The following CCDC13 variants were observed in gnomAD, a reference collection of about 807,000 sequenced individuals.
CCDC13 encodes the protein coiled-coil domain containing 13, also known as coiled-coil domain-containing protein 13.
Under a neutral mutation model 87.3 loss-of-function variants are expected in CCDC13, and 70 were observed. The ratio of observed to expected loss-of-function variants is 0.80; its 90% CI spans 0.66 to 0.98. The LOEUF is 0.98. Ranked by LOEUF, CCDC13 falls within the 50% of genes least tolerant of loss-of-function variation. The probability of loss-of-function intolerance (pLI) is 0.00; values close to 1 mark genes in which losing one functional copy is unlikely to be tolerated. For missense variants in CCDC13, 842 were observed against 892.0 expected (o/e 0.94, Z 0.71); for synonymous variants, 317 against 360.3 (o/e 0.88, Z 1.36).
At chr3:42,725,334 C>T (rs1212785725) in intron 13 of CCDC13, among the ~76,000 whole-genome samples, 1 of 151,886 alleles carries the variant, frequency 6.6e-6, no homozygotes, top group Non-Finnish European at 1.5e-5. Flanking sequence ...CAGATATACT[C>T]CCATAAAAAT....
chr3:42,739,560 T>C (rs1050415724), intron 9 of CCDC13, 74 bp downstream of exon 9: 18 of 1,514,996 alleles, frequency 1.2e-5, no homozygotes, highest in Admixed American at 2.0e-5. Flanking sequence ...GAGGGCTCAC[T>C]CTGGCCATGG....
At chr3:42,737,426 C>T (rs1201342760) in intron 9 of CCDC13, among the ~76,000 whole-genome samples, 1 of 152,190 alleles carries the variant, frequency 6.6e-6, no homozygotes, top group African/African-American at 2.4e-5. Flanking sequence ...TGGGTATATA[C>T]CCAGTAATGG....
chr3:42,731,348 C>T lies in CCDC13; in HGVS notation c.1596-759G>A, dbSNP rs114672342. ...GGGCTGACTTCTCGGTGGTCTTGGG[C>T]AGGTCTCTTCCTCTCTCTTGGCCCC... On this transcript the variant is annotated intron_variant, in intron 12 of 15. Transcript: ENST00000310232. 6.0e-3 allele frequency among the ~76,000 whole-genome samples: 833 copies of T among 137,820 alleles called. 12 individuals are homozygous for T. The highest frequency in any genetic ancestry group is 0.026 in the South Asian group (109 of 4,130). The allele number at this position is 137,820 out of a possible 152,430, so 90.4% of individuals were successfully genotyped here.
At chr3:42,771,283 A>T (rs1035300548) in intron 1 of CCDC13, among the ~76,000 whole-genome samples, 1 of 152,248 alleles carries the variant, frequency 6.6e-6, no homozygotes. Flanking sequence ...AAAAGATACC[A>T]GTGATTGTAA....
At chr3:42,710,229 G>A (rs547997950) in intron 14 of CCDC13, among the ~76,000 whole-genome samples, 4 of 151,248 alleles carry the variant, frequency 2.6e-5, no homozygotes, top group East Asian at 1.9e-4. Flanking sequence ...TGTGCCTCCC[G>A]AGTAGCTGGG....
chr3:42,723,077 G>A (rs768517193), intron 13 of CCDC13, among the ~76,000 whole-genome samples: 20 of 152,082 alleles, frequency 1.3e-4, no homozygotes, highest in Non-Finnish European at 2.1e-4. Flanking sequence ...GATTACAGGC[G>A]TGAGCCACCG....
At chr3:42,720,230 C>T (rs1476514886) in intron 13 of CCDC13, among the ~76,000 whole-genome samples, 1 of 152,046 alleles carries the variant, frequency 6.6e-6, no homozygotes, top group South Asian at 2.1e-4. Flanking sequence ...GGTAAATTCT[C>T]GTCCTAAAGT....
chr3:42,765,255 A>G (rs982656999), intron 1 of CCDC13, among the ~76,000 whole-genome samples: 2 of 152,202 alleles, frequency 1.3e-5, no homozygotes, highest in African/African-American at 4.8e-5. Flanking sequence ...TCTTGGCCCA[A>G]CGGAGCCTCT....
Position 42,708,875 on chromosome 3 carries a change from C to T in CCDC13, c.*105G>A. The T allele has an allele frequency of 2.4e-6, 3 of 1,226,192 alleles. No homozygotes were observed. Among genetic ancestry groups the T allele is most frequent in the Non-Finnish European group, 3.3e-6 (3 of 902,018 alleles). The allele number at this position is 1,226,192 out of a possible 1,614,324, so 76.0% of individuals were successfully genotyped here. A position where few individuals can be genotyped will look rare whatever the true frequency, so the allele number is the denominator to read the frequency against. ...CTTCTGGTAGAAGTGGTTGAGCTGGCTGCCCTGGGCTGGCTTCCCGGAGCA... is the reference window on the plus strand; with the variant it reads ...CTTCTGGTAGAAGTGGTTGAGCTGGTTGCCCTGGGCTGGCTTCCCGGAGCA... On this transcript the variant is annotated 3_prime_UTR_variant, in exon 16 of 16. Transcript: ENST00000310232.
chr3:42,742,987 G>C lies in CCDC13; in HGVS notation c.896C>G (p.Ser299Cys), dbSNP rs765437663. ...QSAGTASDEL[S>C]VYPDPRKLSA... is the part of the protein sequence containing the mutation. ...CAGCTTCCTTGGGTCTGGATAGACAGACAACTCATCACTGGCTGTTCCCGC... is the reference window on the plus strand; with the variant it reads ...CAGCTTCCTTGGGTCTGGATAGACACACAACTCATCACTGGCTGTTCCCGC... The change falls in exon 8 of 16, where the codon TCT becomes TGT. Residue 299 changes from serine (S) to cysteine (C), a missense_variant. Coordinates refer to ENST00000310232, the MANE Select transcript of CCDC13 (RefSeq NM_144719.4). 1 of 1,614,192 alleles carries C rather than the reference G, an allele frequency of 6.2e-7. No homozygotes were observed.
chr3:42,761,440 G>A (rs1168101043), intron 1 of CCDC13, among the ~76,000 whole-genome samples: 3 of 152,096 alleles, frequency 2.0e-5, no homozygotes, highest in African/African-American at 7.2e-5. Flanking sequence ...TTCCTCCATG[G>A]CACTGAGAGT....
intron 13 of CCDC13, among the ~76,000 whole-genome samples, chr3:42,717,319 G>C (rs1480720601): frequency 6.6e-6 from 1 of 151,954 alleles, no homozygotes; most frequent in Non-Finnish European, 1.5e-5. Context: ...CCAACTATTT[G>C]GGAGGCTGAG....
rs761707411 is a variant in CCDC13, at chr3:42,751,960, C to A, written c.579G>T (p.Arg193Ser). 6.2e-7 allele frequency: 1 copy of A among 1,612,008 alleles called. No homozygotes were observed. The highest frequency in any genetic ancestry group is 2.2e-5 in the East Asian group (1 of 44,882). The change falls in exon 5 of 16, where the codon AGG becomes AGT. Residue 193 changes from arginine (R) to serine (S), a missense_variant. Coordinates refer to ENST00000310232, the MANE Select transcript of CCDC13 (RefSeq NM_144719.4). Reference protein sequence around the residue: ...GATDAGAKPPRAQMGDRALLE... With the variant: ...GATDAGAKPPSAQMGDRALLE... ...CCAATGCTCTGTCTCCCATCTGGGCCCTCGGTGGCTTGGCTCCTGCGTCGG... is the reference window on the plus strand; with the variant it reads ...CCAATGCTCTGTCTCCCATCTGGGCACTCGGTGGCTTGGCTCCTGCGTCGG...
chr3:42,719,272 AC>A (rs1457227226), intron 13 of CCDC13: 1 of 152,048 alleles, frequency 6.6e-6, no homozygotes, highest in Non-Finnish European at 1.5e-5. Flanking sequence ...AGATCCCTTC[AC>A]TTACTGACAA....
intron 13 of CCDC13, among the ~76,000 whole-genome samples, chr3:42,714,588 G>A (rs957186734): frequency 6.6e-6 from 1 of 152,158 alleles, no homozygotes; most frequent in South Asian, 2.1e-4. Flanking sequence ...GATACTAAAG[G>A]TTCATTTAGT....
At chr3:42,763,795 T>G (rs866003606) in intron 1 of CCDC13, among the ~76,000 whole-genome samples, 2 of 152,174 alleles carry the variant, frequency 1.3e-5, no homozygotes, top group African/African-American at 2.4e-5. Context: ...TGTGAGCCAC[T>G]GCACCCAGTC....
At chr3:42,744,282 G>A (rs1699325262) in intron 7 of CCDC13, among the ~76,000 whole-genome samples, 4 of 152,118 alleles carry the variant, frequency 2.6e-5, no homozygotes, top group Admixed American at 2.6e-4. Context: ...CCCTTATAAC[G>A]CTAGGGTAGA....
At chr3:42,738,625 A>G (rs1374825870) in intron 9 of CCDC13, among the ~76,000 whole-genome samples, 1 of 152,212 alleles carries the variant, frequency 6.6e-6, no homozygotes, top group East Asian at 1.9e-4. Context: ...GAGGTTCTTC[A>G]CATCCCTTTT....
intron 10 of CCDC13, among the ~76,000 whole-genome samples, chr3:42,734,485 G>A (rs1205003943): frequency 2.0e-5 from 3 of 152,090 alleles, no homozygotes; most frequent in Non-Finnish European, 2.9e-5. Context: ...AGACTTCCTT[G>A]TGCCCCCAGG....
Sources: gnomAD v4.1 joint callset for allele counts (sites outside exome capture counted in the v4.1 genomes callset) on GRCh38, gnomAD v4.1.1 for gene constraint, MANE v1.5 for transcripts, NCBI Gene and HGNC (gene_info 2026-07-23, HGNC 2026-07-21) for gene names.